The following IL34 variants were observed in gnomAD, a reference collection of about 807,000 sequenced individuals.
IL34 encodes the protein interleukin 34, also known as interleukin-34.
In IL34, 17 loss-of-function variants were observed where a neutral mutation model predicts 25.3. The observed-to-expected ratio is 0.67, with a 90% CI of 0.46 to 1.01. The LOEUF is 1.01. IL34 is among the 50% of genes least tolerant of loss of function. IL34 has a pLI of 0.00. For missense variants in IL34, 368 were observed against 312.9 expected (o/e 1.18, Z -1.33); for synonymous variants, 174 against 140.9 (o/e 1.23, Z -1.66).
chr16:70,626,856 C>G (rs189232835), intron 1 of IL34, among the ~76,000 whole-genome samples: 22 of 152,186 alleles, frequency 1.4e-4, no homozygotes, highest in Non-Finnish European at 2.9e-4. Context: ...TATCATAAGC[C>G]ATTTATCATG....
Position 70,660,392 on chromosome 16 carries a change from G to C in IL34, c.*205G>C, listed in dbSNP as rs774940354. ...TAGCTGTCATGGCCTCACCTGGAGC[G>C]GAGGGGACCTGGGGACCTGAAGGTG... On this transcript the variant is annotated 3_prime_UTR_variant, in exon 6 of 6. Transcript: ENST00000288098. The C allele has an allele frequency of 1.2e-5, 6 of 513,582 alleles. No homozygotes were observed. Among genetic ancestry groups the C allele is most frequent in the African/African-American group, 3.9e-5 (2 of 51,312 alleles). 31.8% of individuals were successfully genotyped at this position (513,582 alleles called of 1,614,324 possible). A position where few individuals can be genotyped will look rare whatever the true frequency, so the allele number is the denominator to read the frequency against.
At chr16:70,656,702 G>T (rs1373976281) in intron 3 of IL34, 23 bp downstream of exon 3, 1 of 1,154,150 alleles carries the variant, frequency 8.7e-7, no homozygotes, top group South Asian at 1.2e-5. Context: ...TCCTGGGCTG[G>T]GGGGACCCTG....
At chr16:70,659,777 G>A (rs760973135) in intron 5 of IL34, 24 bp downstream of exon 5, 27 of 1,579,266 alleles carry the variant, frequency 1.7e-5, no homozygotes, top group East Asian at 9.1e-5. Flanking sequence ...AGGGGATGGC[G>A]CCTGGGGGTG....
chr16:70,605,434 G>A (rs2050988341), intron 1 of IL34, among the ~76,000 whole-genome samples: 1 of 152,148 alleles, frequency 6.6e-6, no homozygotes, highest in African/African-American at 2.4e-5. Flanking sequence ...CATTCACTGT[G>A]TTGTGTAATC....
intron 1 of IL34, among the ~76,000 whole-genome samples, chr16:70,581,110 C>T (rs1394972076): frequency 6.6e-6 from 1 of 152,074 alleles, no homozygotes; most frequent in African/African-American, 2.4e-5. Flanking sequence ...CGGGCTTTCA[C>T]CATGTTGGCC....
At chr16:70,636,826 C>T (rs1234462178) in intron 1 of IL34, among the ~76,000 whole-genome samples, 1 of 151,940 alleles carries the variant, frequency 6.6e-6, no homozygotes, top group South Asian at 2.1e-4. Context: ...GAAGAATACT[C>T]TAATATAACA....
chr16:70,630,023 C>G (rs888826831), intron 1 of IL34, among the ~76,000 whole-genome samples: 1 of 152,188 alleles, frequency 6.6e-6, no homozygotes, highest in African/African-American at 2.4e-5. Context: ...TTCTTCCAGC[C>G]TCTGGTAACT....
At chr16:70,622,684 G>A (rs1000408068) in intron 1 of IL34, among the ~76,000 whole-genome samples, 12 of 152,206 alleles carry the variant, frequency 7.9e-5, no homozygotes, top group African/African-American at 2.4e-4. Context: ...GGGCCAGATT[G>A]AAGTCCGGGC....
intron 1 of IL34, among the ~76,000 whole-genome samples, chr16:70,628,523 G>T (rs2051446566): frequency 6.7e-6 from 1 of 150,318 alleles, no homozygotes; most frequent in Non-Finnish European, 1.5e-5. Flanking sequence ...GTCTTGCTCT[G>T]TTGCCCAGGC....
intron 1 of IL34, among the ~76,000 whole-genome samples, chr16:70,605,739 C>T (rs529743621): frequency 4.6e-5 from 7 of 152,000 alleles, no homozygotes; most frequent in African/African-American, 1.7e-4. Flanking sequence ...AGCGCAATCT[C>T]GGCTCACTGC....
intron 1 of IL34, among the ~76,000 whole-genome samples, chr16:70,626,095 G>C (rs904799925): frequency 6.6e-6 from 1 of 152,148 alleles, no homozygotes; most frequent in Non-Finnish European, 1.5e-5. Context: ...GGTGCAGGTG[G>C]GCTGAGTCCA....
intron 2 of IL34, 74 bp downstream of exon 2, chr16:70,654,745 C>G (rs2151881415): frequency 1.3e-6 from 2 of 1,508,600 alleles, no homozygotes; most frequent in Non-Finnish European, 1.8e-6. Context: ...TCTGGACATT[C>G]AGAGCCCTTC....
intron 1 of IL34, among the ~76,000 whole-genome samples, chr16:70,597,808 G>A (rs1417541618): frequency 1.3e-5 from 2 of 152,116 alleles, no homozygotes. Flanking sequence ...AATAGGCCAG[G>A]AAATGCCTGG....
At chr16:70,644,980 GAGT>G (rs1163674362), upstream of IL34, among the ~76,000 whole-genome samples, 1 of 142,040 alleles carries the variant, frequency 7.0e-6, no homozygotes, top group Admixed American at 6.8e-5. Context: ...AAGAGAAAGG[GAGT>G]AGGAGGAAGG....
intron 1 of IL34, among the ~76,000 whole-genome samples, chr16:70,639,367 A>T (rs1431547639): frequency 6.6e-6 from 1 of 152,220 alleles, no homozygotes; most frequent in African/African-American, 2.4e-5. Flanking sequence ...AATAGGAGGA[A>T]AGCACAATAT....
chr16:70,596,993 G>A (rs996083647), intron 1 of IL34, among the ~76,000 whole-genome samples: 3 of 152,156 alleles, frequency 2.0e-5, no homozygotes, highest in South Asian at 2.1e-4. Flanking sequence ...GTATAGGCAC[G>A]CTCAGTAGAG....
chr16:70,622,293 A>G (rs1475819022), intron 1 of IL34, among the ~76,000 whole-genome samples: 1 of 152,084 alleles, frequency 6.6e-6, no homozygotes, highest in Non-Finnish European at 1.5e-5. Flanking sequence ...GACTCAGGGC[A>G]TGTTGAATAA....
chr16:70,580,600 A>G (rs1051378373), intron 1 of IL34, among the ~76,000 whole-genome samples: 5 of 152,068 alleles, frequency 3.3e-5, no homozygotes, highest in Non-Finnish European at 7.4e-5. Flanking sequence ...GGCCAACAAG[A>G]TGAAACCCTG....
intron 1 of IL34, among the ~76,000 whole-genome samples, chr16:70,622,511 G>T (rs1322736811): frequency 6.6e-6 from 1 of 151,890 alleles, no homozygotes; most frequent in Non-Finnish European, 1.5e-5. Context: ...GCCTGCCTTT[G>T]CTGGTGTGTG....
Sources: allele counts gnomAD v4.1 joint callset (sites outside exome capture counted in the v4.1 genomes callset), GRCh38; gene constraint gnomAD v4.1.1; transcripts MANE v1.5; gene names NCBI Gene and HGNC (gene_info 2026-07-23, HGNC 2026-07-21).